The following ROR2 variants were observed in gnomAD, a reference collection of about 807,000 sequenced individuals.
The protein encoded by ROR2 is ROR family WNT receptor 2, also known as tyrosine-protein kinase transmembrane receptor ROR2.
Under a neutral mutation model 74.9 loss-of-function variants are expected in ROR2, and 33 were observed. The observed-to-expected ratio is 0.44, with a 90% confidence interval of 0.33 to 0.59. ROR2 has a LOEUF of 0.59. Ranked by LOEUF, ROR2 falls within the 20% of genes least tolerant of loss-of-function variation. The pLI is 0.02. For missense variants in ROR2, 1,216 were observed against 1,313.8 expected (o/e 0.93, Z 1.15); for synonymous variants, 586 against 558.7 (o/e 1.05, Z -0.69).
intron 1 of ROR2, among the ~76,000 whole-genome samples, chr9:91,932,224 A>G (rs1281472880): frequency 6.6e-6 from 1 of 152,186 alleles, no homozygotes; most frequent in African/African-American, 2.4e-5. Context: ...GAACCTACCC[A>G]AAACAGCATA....
intron 1 of ROR2, among the ~76,000 whole-genome samples, chr9:91,946,140 A>C (rs1239076347): frequency 6.6e-6 from 1 of 152,222 alleles, no homozygotes; most frequent in Non-Finnish European, 1.5e-5. Flanking sequence ...TCCCTTCATG[A>C]AATTGCTATT....
chr9:91,920,564 G>A (rs948861130), intron 1 of ROR2, among the ~76,000 whole-genome samples: 6 of 152,176 alleles, frequency 3.9e-5, no homozygotes, highest in African/African-American at 1.4e-4. Flanking sequence ...CATTCAGAAA[G>A]AGGCAAGGGA....
intron 2 of ROR2, among the ~76,000 whole-genome samples, chr9:91,773,259 T>A (rs1173955971): frequency 6.6e-6 from 1 of 152,238 alleles, no homozygotes; most frequent in African/African-American, 2.4e-5. Context: ...GTCTATGGAA[T>A]GACTCAAGTT....
chr9:91,874,517 G>A (rs967415228), intron 1 of ROR2, among the ~76,000 whole-genome samples: 45 of 152,326 alleles, frequency 3.0e-4, no homozygotes, highest in African/African-American at 9.6e-4. Flanking sequence ...AAGAAGCCTA[G>A]GCGATAAAAC....
chr9:91,730,009 C>G (rs189698511), intron 7 of ROR2, among the ~76,000 whole-genome samples: 279 of 152,282 alleles, frequency 1.8e-3, no homozygotes, highest in African/African-American at 6.2e-3. Context: ...TAGACTGGAG[C>G]GTAGTGGCAC....
At chr9:91,915,077 G>A (rs1190060128) in intron 1 of ROR2, among the ~76,000 whole-genome samples, 1 of 152,128 alleles carries the variant, frequency 6.6e-6, no homozygotes, top group Non-Finnish European at 1.5e-5. Flanking sequence ...AACAGCAGGG[G>A]CGGCTCCGTA....
Position 91,725,037 on chromosome 9 carries a change from T to G in ROR2, c.1457A>C (p.Lys486Thr), listed in dbSNP as rs773275027. The part of the protein sequence containing the change: ...MEELGEDRFG[K>T]VYKGHLFGPA... ...GCCGAACAGGTGACCTTTGTAGACT[T>G]TCCCAAACCGGTCCTCTCCCAGCTC... The change falls in exon 9 of 9, where the codon AAA (lysine) becomes ACA (threonine). Residue 486 changes from lysine (K) to threonine (T), a missense_variant. By Grantham distance (78) the Lys-to-Thr change is moderately conservative. Transcript: ENST00000375708. 2.2e-5 allele frequency: 35 copies of G among 1,613,890 alleles called. No homozygotes were observed. The highest frequency in any genetic ancestry group is 2.7e-5 in the Non-Finnish European group (32 of 1,180,034).
At chr9:91,727,700 T>C (rs1837092540) in intron 7 of ROR2, among the ~76,000 whole-genome samples, 1 of 152,166 alleles carries the variant, frequency 6.6e-6, no homozygotes, top group African/African-American at 2.4e-5. Context: ...TGTTTTCTCC[T>C]TAACCTTGCA....
rs778614018 is a variant in ROR2, at chr9:91,737,535, A to G, written c.495-17T>C. ...TAATCATCCCTGGTAAGAAACACACAAAGTCTGTTAGAGCTCTGGGAGGTG... is the reference window on the plus strand; with the variant it reads ...TAATCATCCCTGGTAAGAAACACACGAAGTCTGTTAGAGCTCTGGGAGGTG... On this transcript the variant is annotated splice_polypyrimidine_tract_variant and intron_variant, in intron 4 of 8. Coordinates refer to ENST00000375708, the MANE Select transcript of ROR2 (RefSeq NM_004560.4). The G allele has an allele frequency of 2.6e-5, 42 of 1,614,026 alleles. No homozygotes were observed. Among genetic ancestry groups the G allele is most frequent in the East Asian group, 8.9e-5 (4 of 44,896 alleles).
At chr9:91,731,703 T>C (rs936641906) in intron 6 of ROR2, among the ~76,000 whole-genome samples, 1 of 152,080 alleles carries the variant, frequency 6.6e-6, no homozygotes, top group Non-Finnish European at 1.5e-5. Flanking sequence ...TCACTTGAGG[T>C]CAGGAGTTCA....
chr9:91,803,828 G>C (rs1827465852), intron 1 of ROR2, among the ~76,000 whole-genome samples: 1 of 152,210 alleles, frequency 6.6e-6, no homozygotes, highest in Admixed American at 6.5e-5. Flanking sequence ...GGGACCTTCA[G>C]TCATTTTCAA....
At chr9:91,930,515 C>T (rs1831523132) in intron 1 of ROR2, among the ~76,000 whole-genome samples, 1 of 152,234 alleles carries the variant, frequency 6.6e-6, no homozygotes, top group Admixed American at 6.5e-5. Flanking sequence ...GCGTGACAAA[C>T]ACAAGCAGCA....
chr9:91,904,501 G>T (rs990609099), intron 1 of ROR2, among the ~76,000 whole-genome samples: 3 of 152,232 alleles, frequency 2.0e-5, no homozygotes, highest in African/African-American at 4.8e-5. Flanking sequence ...TCGCCCTGGA[G>T]AAAAGCCATC....
In ROR2 at chr9:91,905,621, GCCC is replaced by G. The variant is rs970355985; in HGVS notation, c.97+44243_97+44245del. On this transcript the variant is annotated intron_variant, in intron 1 of 8. Coordinates refer to ENST00000375708, the MANE Select transcript of ROR2 (RefSeq NM_004560.4). The surrounding 1 kb of genome is among the most constrained non-coding windows in gnomAD (Gnocchi z 5.3). ...TGCCACACACAACACATATACAGAT[GCCC>G]CCAACACACATAAACACACATAACA... Among the ~76,000 whole-genome samples, 1 of 150,846 alleles carries G rather than the reference GCCC, an allele frequency of 6.6e-6. No homozygotes were observed. Among genetic ancestry groups the G allele is most frequent in the Admixed American group, 6.6e-5 (1 of 15,136 alleles).
At chr9:91,931,260 G>A (rs1176313194) in intron 1 of ROR2, among the ~76,000 whole-genome samples, 2 of 152,206 alleles carry the variant, frequency 1.3e-5, no homozygotes, top group African/African-American at 2.4e-5. Flanking sequence ...TGGCAACGAT[G>A]TACCAGGCAA....
intron 1 of ROR2, among the ~76,000 whole-genome samples, chr9:91,904,575 C>A (rs776651573): frequency 2.6e-5 from 4 of 152,214 alleles, no homozygotes; most frequent in Non-Finnish European, 5.9e-5. Flanking sequence ...GAAGTGGAAT[C>A]AGGCTTCAGG....
chr9:91,802,427 G>A (rs1394262016), intron 1 of ROR2, among the ~76,000 whole-genome samples: 1 of 152,066 alleles, frequency 6.6e-6, no homozygotes, highest in African/African-American at 2.4e-5. Flanking sequence ...AGCAGAACTT[G>A]GAGGCATTTG....
chr9:91,948,620 G>C (rs918065623), intron 1 of ROR2: 12 of 985,376 alleles, frequency 1.2e-5, no homozygotes, highest in African/African-American at 1.7e-5. Context: ...GGGCCGGCTA[G>C]GGCGGCAGGC....
rs1411243993 is a variant in ROR2 at position 91,723,945 on chromosome 9, T to C, written c.2549A>G (p.Gln850Arg). 1.9e-6 allele frequency: 3 copies of C among 1,613,488 alleles called. No individual in the cohort carries two copies. Among genetic ancestry groups the C allele is most frequent in the African/African-American group, 2.7e-5 (2 of 74,960 alleles). Residue 850 changes from glutamine to arginine, a missense_variant, in exon 9 of 9, where the codon CAG becomes CGG. Gln to Arg is a conservative substitution (Grantham distance 43). Coordinates refer to ENST00000375708, the MANE Select transcript of ROR2 (RefSeq NM_004560.4). The stretch of plus-strand genomic sequence containing the variant: ...CTTGGGGACCATCTGAGGAGGCACC[T>C]GCTGCGGGGCCATCTGCATTGGGAT... ...VQIPMQMAPQQVPPQMVPKPS... is the reference protein window; with the variant it reads ...VQIPMQMAPQRVPPQMVPKPS...
Sources: allele counts gnomAD v4.1 joint callset (sites outside exome capture counted in the v4.1 genomes callset), GRCh38; gene constraint gnomAD v4.1.1; non-coding constraint Gnocchi (gnomAD v3.1); transcripts MANE v1.5; gene names NCBI Gene and HGNC (gene_info 2026-07-23, HGNC 2026-07-21).